Variants in EIF4G3 observed in about 807,000 individuals in gnomAD.
The protein encoded by EIF4G3 is eukaryotic translation initiation factor 4 gamma 3.
EIF4G3 carries 34 observed loss-of-function variants against 186.4 expected under a neutral mutation model. The observed-to-expected ratio is 0.18, with a 90% CI of 0.14 to 0.24. The LOEUF (loss-of-function observed/expected upper bound fraction) is 0.24, where lower values mean the gene tolerates loss of function less well. Among genes scored for constraint, EIF4G3 ranks in the 10% least tolerant of loss-of-function variants. The probability of loss-of-function intolerance (pLI) is 1.00; values close to 1 mark genes in which losing one functional copy is unlikely to be tolerated. For missense variants in EIF4G3, 1,536 were observed against 1,948.5 expected, an observed-to-expected ratio of 0.79 and a Z score of 3.99; for synonymous variants, 673 against 679.5, an observed-to-expected ratio of 0.99 and a Z score of 0.15.
At chr1:21,094,882 G>A (rs2096320456) in intron 2 of EIF4G3, among the ~76,000 whole-genome samples, 1 of 151,734 alleles carries the variant, frequency 6.6e-6, no homozygotes, top group Non-Finnish European at 1.5e-5. Context: ...TGGCACAGTG[G>A]TGCATACCTG....
chr1:21,173,642 T>C (rs2098038038), intron 2 of EIF4G3, among the ~76,000 whole-genome samples: 2 of 151,938 alleles, frequency 1.3e-5, no homozygotes, highest in South Asian at 4.2e-4. Context: ...GAGCCGAGAT[T>C]ACACCACTGC....
At chr1:20,844,332 A>G (rs1191510430) in intron 29 of EIF4G3, among the ~76,000 whole-genome samples, 2 of 152,184 alleles carry the variant, frequency 1.3e-5, no homozygotes, top group Non-Finnish European at 2.9e-5. Flanking sequence ...CTTTTTAATA[A>G]TAGTCATTCT....
chr1:21,165,478 C>G (rs1479296252), intron 2 of EIF4G3, among the ~76,000 whole-genome samples: 1 of 152,130 alleles, frequency 6.6e-6, no homozygotes, highest in African/African-American at 2.4e-5. Context: ...CCCAAATGTC[C>G]ATGGTACATG....
intron 4 of EIF4G3, among the ~76,000 whole-genome samples, chr1:21,004,402 A>T (rs948805145): frequency 6.6e-6 from 1 of 152,226 alleles, no homozygotes; most frequent in Non-Finnish European, 1.5e-5. Flanking sequence ...ATTTAAAATG[A>T]AATGCCACCA....
chr1:21,142,159 A>G (rs2097351710), intron 2 of EIF4G3, among the ~76,000 whole-genome samples: 1 of 150,944 alleles, frequency 6.6e-6, no homozygotes, highest in African/African-American at 2.4e-5. Flanking sequence ...AGCCTAGGCA[A>G]CACAGTTAGA....
intron 4 of EIF4G3, among the ~76,000 whole-genome samples, chr1:21,008,179 A>G (rs1379161059): frequency 6.6e-6 from 1 of 152,228 alleles, no homozygotes; most frequent in East Asian, 1.9e-4. Context: ...CAGAATATCC[A>G]GTAGGAAGTC....
chr1:21,108,094 T>G (rs2096648541), intron 2 of EIF4G3, among the ~76,000 whole-genome samples: 1 of 152,002 alleles, frequency 6.6e-6, no homozygotes. Context: ...GATGCAGTGT[T>G]GAGATCACAC....
At chr1:21,069,857 G>A (rs2095390558) in intron 3 of EIF4G3, among the ~76,000 whole-genome samples, 1 of 152,158 alleles carries the variant, frequency 6.6e-6, no homozygotes, top group African/African-American at 2.4e-5. Context: ...AAAGAAAAGA[G>A]GATGAGCTAA....
rs71703947 is a variant in EIF4G3 at position 20,871,412 on chromosome 1, CAAG to C, written c.2623-6153_2623-6151del. 9.9e-3 allele frequency among the ~76,000 whole-genome samples: 1,511 copies of C among 152,220 alleles called. 22 individuals are homozygous for C. Among genetic ancestry groups the C allele is most frequent in the African/African-American group, 0.035 (1,444 of 41,516 alleles). The stretch of plus-strand genomic sequence containing the variant: ...CCCACTAAGATGCCATACCAATAAC[CAAG>C]AAGGCCTCCAGACACTGCCAAATGT... On this transcript the variant is annotated intron_variant, in intron 20 of 36. Transcript: ENST00000602326.
intron 2 of EIF4G3, among the ~76,000 whole-genome samples, chr1:21,094,983 T>C (rs969181866): frequency 6.6e-6 from 1 of 152,062 alleles, no homozygotes; most frequent in Non-Finnish European, 1.5e-5. Flanking sequence ...CCTTACCTTT[T>C]ACCATTGAGA....
intron 30 of EIF4G3, 140 bp downstream of exon 30, chr1:20,840,716 T>C: frequency 1.4e-6 from 1 of 714,572 alleles, no homozygotes. Flanking sequence ...AATATATTAA[T>C]TGCATCATAT....
At chr1:21,003,790 A>G in intron 4 of EIF4G3, 1 of 435,072 alleles carries the variant, frequency 2.3e-6, no homozygotes, top group Non-Finnish European at 4.5e-6. Flanking sequence ...ATGATTTCAA[A>G]TTTGCCAATG....
intron 2 of EIF4G3, among the ~76,000 whole-genome samples, chr1:21,090,733 A>G (rs2096167888): frequency 6.6e-6 from 1 of 152,198 alleles, no homozygotes; most frequent in Admixed American, 6.5e-5. Context: ...GCCCCACTCC[A>G]CTACAAGAAA....
chr1:21,162,793 T>C lies in EIF4G3; in HGVS notation c.-272+13382A>G, dbSNP rs572827351. ...AAAAGATTCCTAATTGTCTAAGCTA[T>C]GTAATGGTTACCAGGTGGGGGTATC... On this transcript the variant is annotated intron_variant, in intron 2 of 36. Coordinates refer to ENST00000602326, the MANE Select transcript of EIF4G3 (RefSeq NM_001391906.1). Among the ~76,000 whole-genome samples, 4 of 152,310 alleles carry C rather than the reference T, an allele frequency of 2.6e-5. No individual in the cohort carries two copies. In the South Asian group the frequency reaches 6.2e-4, roughly 24 times the overall value.
intron 4 of EIF4G3, among the ~76,000 whole-genome samples, chr1:21,012,924 G>A (rs898326447): frequency 3.3e-5 from 5 of 152,058 alleles, no homozygotes; most frequent in South Asian, 2.1e-4. Context: ...AGGAAAACCC[G>A]CCTCCGAACA....
At chr1:21,175,712 G>C (rs1326971770) in intron 2 of EIF4G3, 2 of 152,234 alleles carry the variant, frequency 1.3e-5, no homozygotes, top group Non-Finnish European at 2.9e-5. Context: ...TACCGATAAA[G>C]TTTATTATGT....
chr1:20,991,803 A>T (rs1397011539), intron 7 of EIF4G3, among the ~76,000 whole-genome samples: 1 of 152,116 alleles, frequency 6.6e-6, no homozygotes, highest in East Asian at 1.9e-4. Flanking sequence ...CTTATAAAAT[A>T]CTTCACTCAT....
chr1:20,981,544 C>CTGTA (rs1039802524), intron 8 of EIF4G3, among the ~76,000 whole-genome samples: 1 of 129,008 alleles, frequency 7.8e-6, no homozygotes, highest in Non-Finnish European at 1.6e-5. Context: ...TACGCACATA[C>CTGTA]TGTATGTATA....
intron 9 of EIF4G3, 128 bp downstream of exon 9, chr1:20,980,919 TA>T: frequency 1.5e-6 from 1 of 668,692 alleles, no homozygotes; most frequent in Non-Finnish European, 2.3e-6. Flanking sequence ...GCTAGATTTG[TA>T]ACCAACAAAA....
Sources: gnomAD v4.1 joint callset for allele counts (sites outside exome capture counted in the v4.1 genomes callset) on GRCh38, gnomAD v4.1.1 for gene constraint, MANE v1.5 for transcripts, NCBI Gene and HGNC (gene_info 2026-07-23, HGNC 2026-07-21) for gene names.